Variants in RBFOX1 observed in about 807,000 individuals in gnomAD.
The protein encoded by RBFOX1 is RNA binding fox-1 homolog 1.
A neutral mutation model predicts 57.7 loss-of-function variants in RBFOX1; 8 were observed. That is an observed-to-expected ratio of 0.14 (90% CI 0.08 to 0.25). RBFOX1 has a LOEUF of 0.25. RBFOX1 is among the 10% of genes least tolerant of loss of function. The pLI, the probability that RBFOX1 is intolerant of heterozygous loss-of-function variation, is 1.00. For synonymous variants in RBFOX1, 326 were observed against 222.4 expected (o/e 1.47, Z -4.15); for missense variants, 611 against 548.5 (o/e 1.11, Z -1.14).
At chr16:7,582,631 T>A (rs894876474) in intron 6 of RBFOX1, among the ~76,000 whole-genome samples, 2 of 152,176 alleles carry the variant, frequency 1.3e-5, no homozygotes, top group Non-Finnish European at 2.9e-5. Flanking sequence ...GAGGGTTTCC[T>A]CTTTTGGGTC....
chr16:7,127,004 C>A (rs895774238), intron 4 of RBFOX1, among the ~76,000 whole-genome samples: 1 of 87,902 alleles, frequency 1.1e-5, no homozygotes, highest in South Asian at 6.0e-4. Context: ...GAGCGAGAAT[C>A]CGTCTCAAAA....
intron 5 of RBFOX1, among the ~76,000 whole-genome samples, chr16:7,540,753 G>A (rs995894859): frequency 1.3e-5 from 2 of 152,168 alleles, no homozygotes; most frequent in Non-Finnish European, 2.9e-5. Flanking sequence ...ATTCTTCACC[G>A]AAGGGAGTTC....
intron 4 of RBFOX1, among the ~76,000 whole-genome samples, chr16:7,102,098 A>C (rs1260725710): frequency 3.3e-5 from 5 of 152,104 alleles, no homozygotes; most frequent in African/African-American, 9.7e-5. Context: ...ACAACCAAAC[A>C]TACAGGCAGA....
chr16:5,646,352 T>C (rs890639119), intron 3 of RBFOX1, among the ~76,000 whole-genome samples: 1 of 151,994 alleles, frequency 6.6e-6, no homozygotes, highest in African/African-American at 2.4e-5. Context: ...TTGCTCAGGC[T>C]GATCTCAACC....
intron 3 of RBFOX1, among the ~76,000 whole-genome samples, chr16:5,818,365 C>G (rs953247783): frequency 1.3e-5 from 2 of 152,190 alleles, no homozygotes; most frequent in African/African-American, 4.8e-5. Context: ...GGTTCTCGCA[C>G]TCCCCATATG....
chr16:5,894,279 T>G (rs2058108504), intron 4 of RBFOX1, among the ~76,000 whole-genome samples: 1 of 152,196 alleles, frequency 6.6e-6, no homozygotes, highest in Admixed American at 6.5e-5. Flanking sequence ...TTCAAAACAT[T>G]ATAAAAACTT....
chr16:6,165,378 G>C (rs1220682480), intron 1 of RBFOX1, among the ~76,000 whole-genome samples: 2 of 152,078 alleles, frequency 1.3e-5, no homozygotes, highest in African/African-American at 4.8e-5. Flanking sequence ...GTGCAGTCCT[G>C]TTATCCACGT....
intron 3 of RBFOX1, among the ~76,000 whole-genome samples, chr16:6,956,384 C>G (rs1426552068): frequency 6.6e-6 from 1 of 152,192 alleles, no homozygotes; most frequent in Non-Finnish European, 1.5e-5. Context: ...AGACTGGACT[C>G]AAGGGGAATG....
intron 3 of RBFOX1, among the ~76,000 whole-genome samples, chr16:6,989,547 C>T (rs1176627350): frequency 1.3e-5 from 2 of 151,922 alleles, no homozygotes; most frequent in African/African-American, 4.8e-5. Flanking sequence ...TACGTAGTAC[C>T]AGGGATGGAT....
At chr16:6,079,630 T>A (rs913415199) in intron 1 of RBFOX1, among the ~76,000 whole-genome samples, 1 of 149,598 alleles carries the variant, frequency 6.7e-6, no homozygotes, top group Admixed American at 6.7e-5. Context: ...GGTACAGGAG[T>A]TCAAGACCAG....
chr16:6,312,208 CACAGAAGT>C (rs1460329945), intron 1 of RBFOX1, among the ~76,000 whole-genome samples: 1 of 152,110 alleles, frequency 6.6e-6, no homozygotes, highest in African/African-American at 2.4e-5. Flanking sequence ...AGCACAGGAG[CACAGAAGT>C]GAGTTTCAGC....
At chr16:5,443,845 A>G (rs918317370) in intron 1 of RBFOX1, among the ~76,000 whole-genome samples, 3 of 152,154 alleles carry the variant, frequency 2.0e-5, no homozygotes, top group South Asian at 2.1e-4. Context: ...CTATTTTTTG[A>G]AAGTCTGGGC....
At chr16:7,036,601 G>A (rs1431792470) in intron 3 of RBFOX1, among the ~76,000 whole-genome samples, 1 of 152,108 alleles carries the variant, frequency 6.6e-6, no homozygotes, top group Non-Finnish European at 1.5e-5. Context: ...GCTGAGGCTG[G>A]AGAATCGCTT....
At chr16:6,774,790 T>C (rs2079034779) in intron 3 of RBFOX1, among the ~76,000 whole-genome samples, 1 of 152,114 alleles carries the variant, frequency 6.6e-6, no homozygotes, top group African/African-American at 2.4e-5. Context: ...GAGTGTTTTA[T>C]ACCTGAGCTT....
At chr16:6,095,483 T>C (rs116373955) in intron 1 of RBFOX1, among the ~76,000 whole-genome samples, 2,364 of 152,236 alleles carry the variant, frequency 0.016, 41 homozygotes, top group African/African-American at 0.042. Context: ...TTTTCACTCT[T>C]TCTCTTTCAG....
chr16:6,479,548 A>G (rs1269426790), intron 2 of RBFOX1, among the ~76,000 whole-genome samples: 1 of 152,030 alleles, frequency 6.6e-6, no homozygotes, highest in Non-Finnish European at 1.5e-5. Flanking sequence ...AGATCATGCC[A>G]CTGTACTCTA....
At chr16:5,495,997 G>A (rs1229942272) in intron 2 of RBFOX1, among the ~76,000 whole-genome samples, 2 of 152,104 alleles carry the variant, frequency 1.3e-5, no homozygotes, top group African/African-American at 2.4e-5. Context: ...ATGGTGGCGG[G>A]TGCCTGTAAT....
chr16:5,672,631 G>A (rs1488434320), intron 3 of RBFOX1, among the ~76,000 whole-genome samples: 1 of 152,196 alleles, frequency 6.6e-6, no homozygotes, highest in Non-Finnish European at 1.5e-5. Context: ...AAAAGGCAGA[G>A]CAGTGGGAGA....
intron 4 of RBFOX1, among the ~76,000 whole-genome samples, chr16:5,971,806 C>G (rs2059966556): frequency 6.6e-6 from 1 of 152,138 alleles, no homozygotes; most frequent in Admixed American, 6.5e-5. Context: ...GATATTTGGT[C>G]AAATATTATT....
Sources: allele counts gnomAD v4.1 joint callset (sites outside exome capture counted in the v4.1 genomes callset), GRCh38; gene constraint gnomAD v4.1.1; transcripts MANE v1.5; gene names NCBI Gene and HGNC (gene_info 2026-07-23, HGNC 2026-07-21).